The following TAF1B variants were observed in gnomAD, a reference collection of about 807,000 sequenced individuals.
TAF1B encodes the protein TATA box-binding protein-associated factor RNA polymerase I subunit B.
TAF1B carries 61 observed loss-of-function variants against 83.9 expected under a neutral mutation model. The ratio of observed to expected loss-of-function variants is 0.73; its 90% confidence interval spans 0.59 to 0.90. The LOEUF is 0.90. Ranked by LOEUF, TAF1B falls within the 40% of genes least tolerant of loss-of-function variation. The probability of loss-of-function intolerance (pLI) is 0.00; values close to 1 mark genes in which losing one functional copy is unlikely to be tolerated. For synonymous variants in TAF1B, 221 were observed against 224.6 expected, an observed-to-expected ratio of 0.98 and a Z score of 0.14; for missense variants, 625 against 677.0, an observed-to-expected ratio of 0.92 and a Z score of 0.85.
chr2:9,922,286 A>G (rs997777014), intron 14 of TAF1B, among the ~76,000 whole-genome samples: 1 of 152,110 alleles, frequency 6.6e-6, no homozygotes, highest in African/African-American at 2.4e-5. Context: ...GACCCAAAAA[A>G]CATTGTGGAG....
At chr2:9,922,997 A>T (rs1171484876) in intron 14 of TAF1B, among the ~76,000 whole-genome samples, 1 of 152,178 alleles carries the variant, frequency 6.6e-6, no homozygotes. Flanking sequence ...TAATCCTAGC[A>T]CTTAGGGAGG....
chr2:9,851,450 C>T (rs551106322), intron 3 of TAF1B, 91 bp from the exon 4 acceptor site: 66 of 989,434 alleles, frequency 6.7e-5, no homozygotes, highest in East Asian at 3.4e-4. Flanking sequence ...AAATTCAAGT[C>T]GCAATGTGTA....
intron 6 of TAF1B, 44 bp from the exon 7 acceptor site, chr2:9,875,821 A>G (rs375923333): frequency 4.2e-5 from 65 of 1,532,308 alleles, no homozygotes; most frequent in Middle Eastern, 1.7e-4. Flanking sequence ...TTTGTTATCC[A>G]AATAGTTCAC....
Position 9,855,986 on chromosome 2 carries a change from A to G in TAF1B, c.399+1565A>G, listed in dbSNP as rs143877537. Reference sequence around the variant, plus strand: ...GGGACCATCTATAGTTACTCTTCATATGGCTAGAAGAGATTCTGAATCTGT... The same window carrying G: ...GGGACCATCTATAGTTACTCTTCATGTGGCTAGAAGAGATTCTGAATCTGT... On this transcript the variant is annotated intron_variant, in intron 5 of 14. Coordinates refer to ENST00000263663, the MANE Select transcript of TAF1B (RefSeq NM_005680.3). Among the ~76,000 whole-genome samples the G allele has an allele frequency of 7.2e-5, 11 of 152,296 alleles. No individual in the cohort carries two copies. The East Asian group carries it at 2.1e-3, about 29-fold the overall frequency.
At chr2:9,890,899 T>C (rs1004775847) in intron 8 of TAF1B, among the ~76,000 whole-genome samples, 2 of 152,088 alleles carry the variant, frequency 1.3e-5, no homozygotes, top group African/African-American at 4.8e-5. Context: ...GCCTCCCAAG[T>C]AGCTGGGATT....
chr2:9,919,705 A>T lies in TAF1B; in HGVS notation c.1450A>T (p.Thr484Ser). The T allele has an allele frequency of 3.1e-6, 5 of 1,614,218 alleles. No homozygotes were observed. The highest frequency in any genetic ancestry group is 4.2e-6 in the Non-Finnish European group (5 of 1,180,026). ...TCAGTTCAACTGGACTGAAGAGGAC[A>T]CTGATAGAACGTGTTTCCATGGACA... Reference protein sequence around the residue: ...SFQFNWTEEDTDRTCFHGHSL... With the variant: ...SFQFNWTEEDSDRTCFHGHSL... Residue 484 changes from threonine (T) to serine (S), a missense_variant, in exon 14 of 15, where the codon ACT (threonine) becomes TCT (serine). Transcript: ENST00000263663.
intron 8 of TAF1B, among the ~76,000 whole-genome samples, chr2:9,900,854 A>ATAC (rs754356004): frequency 2.0e-5 from 3 of 152,206 alleles, no homozygotes; most frequent in Non-Finnish European, 4.4e-5. Flanking sequence ...GAAGTTTGAC[A>ATAC]TACTAGAAAG....
At chr2:9,911,829 A>C (rs528220967) in intron 11 of TAF1B, among the ~76,000 whole-genome samples, 174 of 152,298 alleles carry the variant, frequency 1.1e-3, no homozygotes, top group Non-Finnish European at 1.5e-3. Flanking sequence ...TCATGAATTT[A>C]CAGGCAGCTT....
chr2:9,858,422 A>T (rs964225613), intron 5 of TAF1B, among the ~76,000 whole-genome samples: 1 of 152,180 alleles, frequency 6.6e-6, no homozygotes, highest in Non-Finnish European at 1.5e-5. Context: ...TGGCTTTCCA[A>T]GTGCATGGTG....
intron 9 of TAF1B, 24 bp downstream of exon 9, chr2:9,905,030 G>C: frequency 6.3e-7 from 1 of 1,594,856 alleles, no homozygotes; most frequent in South Asian, 1.1e-5. Context: ...ATATATTGTG[G>C]GGACACTTTA....
intron 2 of TAF1B, chr2:9,845,541 T>C (rs2245344): frequency 0.53 from 227,761 of 426,826 alleles, 62,052 homozygotes; most frequent in East Asian, 0.7. Flanking sequence ...CATTTATAAA[T>C]GATTTCTTAT....
At chr2:9,887,942 T>C (rs1206347154) in intron 8 of TAF1B, among the ~76,000 whole-genome samples, 1 of 152,128 alleles carries the variant, frequency 6.6e-6, no homozygotes, top group African/African-American at 2.4e-5. Context: ...AACCTCAAAC[T>C]CCTGGGCTTA....
intron 5 of TAF1B, among the ~76,000 whole-genome samples, chr2:9,866,113 G>A (rs1024191575): frequency 1.3e-5 from 2 of 150,148 alleles, no homozygotes; most frequent in East Asian, 2.0e-4. Flanking sequence ...AAGAGCTTCT[G>A]CACAGCAAAA....
intron 9 of TAF1B, among the ~76,000 whole-genome samples, chr2:9,908,025 A>ATT (rs1665400435): frequency 2.0e-5 from 2 of 100,930 alleles, no homozygotes; most frequent in Non-Finnish European, 3.6e-5. Flanking sequence ...CAAGATCTTA[A>ATT]TTCTTTTTTT....
intron 6 of TAF1B, among the ~76,000 whole-genome samples, chr2:9,872,040 A>C (rs1664182015): frequency 6.6e-6 from 1 of 152,026 alleles, no homozygotes; most frequent in Non-Finnish European, 1.5e-5. Flanking sequence ...AAGAATCTGG[A>C]TGTCTGGCTG....
chr2:9,930,132 C>T (rs1019356050), intron 14 of TAF1B, among the ~76,000 whole-genome samples: 21 of 126,648 alleles, frequency 1.7e-4, no homozygotes, highest in Admixed American at 1.2e-3. Context: ...AACCAGCTCC[C>T]GGATTCATTG....
chr2:9,868,886 A>G lies in TAF1B; in HGVS notation c.553+457A>G, dbSNP rs921508427. 7.0e-5 allele frequency: 24 copies of G among 342,056 alleles called. No individual in the cohort carries two copies. The East Asian group carries it at 1.7e-3, about 24-fold the overall frequency. 21.2% of individuals were successfully genotyped at this position (342,056 alleles called of 1,614,324 possible). Reference sequence around the variant, plus strand: ...GTGTTTTACTTTCTGATATAATTCCATAACTTGAAATAAATAAGGAATGTA... The same window carrying G: ...GTGTTTTACTTTCTGATATAATTCCGTAACTTGAAATAAATAAGGAATGTA... On this transcript the variant is annotated intron_variant, in intron 6 of 14. Coordinates refer to ENST00000263663, the MANE Select transcript of TAF1B (RefSeq NM_005680.3).
intron 4 of TAF1B, chr2:9,852,070 G>A (rs566856158): frequency 4.2e-6 from 2 of 470,676 alleles, no homozygotes; most frequent in East Asian, 6.9e-5. Context: ...TTTGGACAGC[G>A]ATATGCTAAA....
intron 4 of TAF1B, chr2:9,851,978 G>T (rs1197128282): frequency 2.0e-6 from 1 of 489,688 alleles, no homozygotes. Context: ...GGAATGTCCT[G>T]TGTGTTATTC....
Sources: allele counts gnomAD v4.1 joint callset (sites outside exome capture counted in the v4.1 genomes callset), GRCh38; gene constraint gnomAD v4.1.1; transcripts MANE v1.5; gene names NCBI Gene and HGNC (gene_info 2026-07-23, HGNC 2026-07-21).